Variants in RPH3A observed in about 807,000 individuals in gnomAD.
The protein encoded by RPH3A is rabphilin-3A.
RPH3A carries 48 observed loss-of-function variants against 102.2 expected under a neutral mutation model. The observed-to-expected ratio is 0.47, with a 90% CI of 0.37 to 0.60. RPH3A has a LOEUF of 0.60. RPH3A is among the 20% of genes least tolerant of loss of function. The pLI is 0.00. For synonymous variants in RPH3A, 310 were observed against 324.3 expected, an observed-to-expected ratio of 0.96 and a Z score of 0.47; for missense variants, 781 against 910.1, an observed-to-expected ratio of 0.86 and a Z score of 1.83.
chr12:112,585,411 G>A (rs1437325491), intron 1 of RPH3A, among the ~76,000 whole-genome samples: 1 of 152,192 alleles, frequency 6.6e-6, no homozygotes, highest in Non-Finnish European at 1.5e-5. Context: ...AACCTGGATG[G>A]CCTCATGACT....
At chr12:112,760,176 C>A (rs1226216965) in intron 1 of RPH3A, among the ~76,000 whole-genome samples, 1 of 152,156 alleles carries the variant, frequency 6.6e-6, no homozygotes, top group Non-Finnish European at 1.5e-5. Context: ...TCCCCACTGA[C>A]CACCATTTTT....
chr12:112,695,140 T>C (rs2040340510), intron 1 of RPH3A: 1 of 170,406 alleles, frequency 5.9e-6, no homozygotes, highest in Non-Finnish European at 1.5e-5. Context: ...CAATTATTCA[T>C]TGTTTACTTG....
At chr12:112,685,989 CT>C (rs1566258499) in intron 1 of RPH3A, among the ~76,000 whole-genome samples, 1 of 152,184 alleles carries the variant, frequency 6.6e-6, no homozygotes, top group Non-Finnish European at 1.5e-5. Context: ...CACCAATCTC[CT>C]GTTCATGTTC....
chr12:112,868,394 C>T (rs1242101590), intron 7 of RPH3A, 36 bp from the exon 8 acceptor site: 3 of 1,600,014 alleles, frequency 1.9e-6, no homozygotes, highest in African/African-American at 2.7e-5. Flanking sequence ...CAGCGCTTGG[C>T]TGCCACATCT....
At chr12:112,741,302 T>C (rs979290061) in intron 1 of RPH3A, among the ~76,000 whole-genome samples, 1 of 152,168 alleles carries the variant, frequency 6.6e-6, no homozygotes, top group Non-Finnish European at 1.5e-5. Context: ...TGCTGCCATA[T>C]GGCTGGGGCT....
chr12:112,803,788 A>C (rs2041401799), intron 2 of RPH3A, among the ~76,000 whole-genome samples: 3 of 152,208 alleles, frequency 2.0e-5, no homozygotes, highest in African/African-American at 7.2e-5. Context: ...CAGTATGCGC[A>C]GTCCTTAGAA....
At chr12:112,578,665 C>T (rs74628561) in intron 1 of RPH3A, among the ~76,000 whole-genome samples, 2,000 of 152,284 alleles carry the variant, frequency 0.013, 48 homozygotes, top group African/African-American at 0.046. Context: ...TGCAAAAATG[C>T]GAACATAGCA....
rs1045670 is a variant in RPH3A, at chr12:112,897,876, G to A, written c.*1096G>A. 0.11 allele frequency: 16,731 copies of A among 152,280 alleles called. 1,337 individuals carry two copies. Among genetic ancestry groups the A allele is most frequent in the East Asian group, 0.33 (1,702 of 5,166 alleles). 9.4% of individuals were successfully genotyped at this position (152,280 alleles called of 1,614,324 possible). On this transcript the variant is annotated 3_prime_UTR_variant, in exon 22 of 22. Transcript: ENST00000389385. Reference sequence around the variant, plus strand: ...TCTCTCATCCGTGGGCTCCCCGGGTGGGCACGGAGGCATTTAGAAGACCAG... The same window carrying A: ...TCTCTCATCCGTGGGCTCCCCGGGTAGGCACGGAGGCATTTAGAAGACCAG...
chr12:112,869,320 G>A (rs2042664725), intron 8 of RPH3A: 2 of 164,304 alleles, frequency 1.2e-5, no homozygotes, highest in African/African-American at 2.4e-5. Context: ...TTTTTCATAA[G>A]ATAACTTATC....
intron 2 of RPH3A, among the ~76,000 whole-genome samples, chr12:112,804,733 G>A (rs967718154): frequency 2.0e-5 from 3 of 152,156 alleles, no homozygotes; most frequent in Non-Finnish European, 4.4e-5. Flanking sequence ...TGGGGATGCC[G>A]CTAATAACAG....
At chr12:112,685,072 G>A (rs2040253804) in intron 1 of RPH3A, among the ~76,000 whole-genome samples, 1 of 152,148 alleles carries the variant, frequency 6.6e-6, no homozygotes, top group East Asian at 1.9e-4. Context: ...CAGTAGCTGG[G>A]ACTACAGGTG....
chr12:112,770,467 T>C (rs1245316456), intron 1 of RPH3A, among the ~76,000 whole-genome samples: 1 of 152,148 alleles, frequency 6.6e-6, no homozygotes, highest in Non-Finnish European at 1.5e-5. Context: ...CATCTCAGCC[T>C]CCTGAGTAGC....
intron 1 of RPH3A, among the ~76,000 whole-genome samples, chr12:112,738,634 G>A (rs1452119811): frequency 6.6e-6 from 1 of 152,076 alleles, no homozygotes; most frequent in East Asian, 1.9e-4. Flanking sequence ...GGTGAGTGGT[G>A]GTGTTTTTTG....
chr12:112,732,030 T>G (rs1256306232), intron 1 of RPH3A, among the ~76,000 whole-genome samples: 1 of 152,222 alleles, frequency 6.6e-6, no homozygotes, highest in Non-Finnish European at 1.5e-5. Context: ...TGATTAAACA[T>G]CCTTTTAAAC....
At chr12:112,876,136 A>G (rs1315355496) in intron 12 of RPH3A, among the ~76,000 whole-genome samples, 1 of 152,208 alleles carries the variant, frequency 6.6e-6, no homozygotes, top group Non-Finnish European at 1.5e-5. Context: ...GTGGCCTGGA[A>G]TATAATAAGC....
intron 4 of RPH3A, among the ~76,000 whole-genome samples, chr12:112,844,369 G>A (rs1362326555): frequency 6.6e-6 from 1 of 152,174 alleles, no homozygotes; most frequent in Non-Finnish European, 1.5e-5. Flanking sequence ...TGGTAGCTGG[G>A]GTAGGGACTC....
chr12:112,875,114 C>A lies in RPH3A; in HGVS notation c.827C>A (p.Ser276Tyr). The A allele has an allele frequency of 6.2e-7, 1 of 1,610,258 alleles. No homozygotes were observed. The highest frequency in any genetic ancestry group is 8.5e-7 in the Non-Finnish European group (1 of 1,178,786). Residue 276 changes from serine to tyrosine, a missense_variant, in exon 11 of 22, where the codon TCC becomes TAC. Physicochemically the swap from Ser to Tyr is moderately radical, Grantham distance 144 (BLOSUM62 -2). Coordinates refer to ENST00000389385, the MANE Select transcript of RPH3A (RefSeq NM_001143854.2). ...GLRRANSVQA[S>Y]RPAPGSVQSP... ...AGACGGGCCAACTCAGTCCAGGCCT[C>A]CAGACCTGCCCCAGGCTCGGTGCAG...
intron 1 of RPH3A, among the ~76,000 whole-genome samples, chr12:112,606,856 A>G (rs1343744586): frequency 6.6e-6 from 1 of 152,188 alleles, no homozygotes; most frequent in African/African-American, 2.4e-5. Flanking sequence ...CCCATGATCC[A>G]GTCACCTCCC....
rs1407373359 is a variant in RPH3A, at chr12:112,657,404, G to A, written c.-140+82085G>A. ...GAATACACTCTAAAATAATGATAAA[G>A]CATAGTAAATATATAAATCAGTGAC... On this transcript the variant is annotated intron_variant, in intron 1 of 21. Coordinates refer to the RPH3A transcript ENST00000543106. 2.6e-5 allele frequency among the ~76,000 whole-genome samples: 4 copies of A among 151,924 alleles called. No homozygotes were observed. The East Asian group carries it at 7.7e-4, about 29-fold the overall frequency.
Sources: gnomAD v4.1 joint callset for allele counts (sites outside exome capture counted in the v4.1 genomes callset) on GRCh38, gnomAD v4.1.1 for gene constraint, MANE v1.5 for transcripts, NCBI Gene and HGNC (gene_info 2026-07-23, HGNC 2026-07-21) for gene names.